Variants in TMEM255B observed in about 807,000 individuals in gnomAD.
TMEM255B encodes the protein transmembrane protein 255B, also known as family with sequence similarity 70, member B.
A neutral mutation model predicts 34.5 loss-of-function variants in TMEM255B; 35 were observed. The ratio of observed to expected loss-of-function variants is 1.01; its 90% CI spans 0.77 to 1.34. The LOEUF (loss-of-function observed/expected upper bound fraction) is 1.34, where lower values mean the gene tolerates loss of function less well. TMEM255B is among the 40% of genes most tolerant of loss of function. The probability of loss-of-function intolerance (pLI) is 0.00; values close to 1 mark genes in which losing one functional copy is unlikely to be tolerated. For missense variants in TMEM255B, 432 were observed against 433.2 expected, an observed-to-expected ratio of 1.00 and a Z score of 0.02; for synonymous variants, 206 against 201.2, an observed-to-expected ratio of 1.02 and a Z score of -0.20.
intron 1 of TMEM255B, 97 bp downstream of exon 1, chr13:113,759,412 T>A: frequency 8.9e-7 from 1 of 1,122,288 alleles, no homozygotes; most frequent in Non-Finnish European, 1.1e-6. Flanking sequence ...GGGCGGAACC[T>A]GCGCGGAGAC....
chr13:113,783,523 A>C (rs931353843), intron 3 of TMEM255B, among the ~76,000 whole-genome samples: 1 of 152,210 alleles, frequency 6.6e-6, no homozygotes, highest in African/African-American at 2.4e-5. Flanking sequence ...TGTGATAATG[A>C]GAGGGATTTT....
At chr13:113,807,443 G>A (rs1443718553) in intron 8 of TMEM255B, among the ~76,000 whole-genome samples, 4 of 133,912 alleles carry the variant, frequency 3.0e-5, no homozygotes, top group African/African-American at 8.6e-5. Flanking sequence ...CCCGTCACAC[G>A]CAGGCTTACG....
chr13:113,766,500 G>T (rs2050393697), intron 2 of TMEM255B: 1 of 620,472 alleles, frequency 1.6e-6, no homozygotes, highest in Non-Finnish European at 2.9e-6. Context: ...CTCAAAATAG[G>T]GCCAGGTGCC....
intron 1 of TMEM255B, 81 bp downstream of exon 1, chr13:113,759,396 C>T (rs1351418729): frequency 1.7e-6 from 2 of 1,190,388 alleles, no homozygotes; most frequent in Admixed American, 8.5e-5. Context: ...GGTCCCCGGC[C>T]GGCCCGGGCG....
chr13:113,798,996 G>A (rs140795963), intron 4 of TMEM255B, among the ~76,000 whole-genome samples: 2,155 of 152,340 alleles, frequency 0.014, 19 homozygotes, highest in Non-Finnish European at 0.022. Context: ...ATGAAACGAT[G>A]CAGGAGCCTA....
At chr13:113,771,282 G>A (rs2050473564) in intron 3 of TMEM255B, among the ~76,000 whole-genome samples, 1 of 152,198 alleles carries the variant, frequency 6.6e-6, no homozygotes, top group African/African-American at 2.4e-5. Context: ...GCTTGTGTGT[G>A]GAGGCAGTAA....
At position 113,815,251 on chromosome 13, in the gene TMEM255B, A is replaced by G. The variant is rs1426979830; in HGVS notation, c.*3348A>G. The G allele has an allele frequency of 1.3e-5, 2 of 151,356 alleles. No individual in the cohort carries two copies. Among genetic ancestry groups the G allele is most frequent in the East Asian group, 3.9e-4 (2 of 5,116 alleles). The allele number at this position is 151,356 out of a possible 1,614,324, so 9.4% of individuals were successfully genotyped here. The stretch of plus-strand genomic sequence containing the variant: ...AACGGCCACAAAGAGAGGAAGGGAC[A>G]TGGGTGACGGTCCGTCCACGTGGGG... On this transcript the variant is annotated 3_prime_UTR_variant, in exon 9 of 9. Coordinates refer to ENST00000375353, the MANE Select transcript of TMEM255B (RefSeq NM_182614.4).
intron 4 of TMEM255B, among the ~76,000 whole-genome samples, chr13:113,798,683 GTGGA>G (rs2050987272): frequency 2.0e-5 from 3 of 150,618 alleles, no homozygotes; most frequent in South Asian, 4.3e-4. Context: ...TGGATGATGG[GTGGA>G]TGGATGGAAG....
intron 1 of TMEM255B, among the ~76,000 whole-genome samples, chr13:113,761,878 A>G (rs954945491): frequency 2.0e-5 from 3 of 152,162 alleles, no homozygotes; most frequent in African/African-American, 7.2e-5. Flanking sequence ...CAAACAAGAG[A>G]CAGAGCTCTT....
At chr13:113,794,658 C>T (rs533253455) in intron 3 of TMEM255B, among the ~76,000 whole-genome samples, 1 of 152,300 alleles carries the variant, frequency 6.6e-6, no homozygotes, top group South Asian at 2.1e-4. Context: ...CAAGAAATTG[C>T]CAACTGTTTA....
At chr13:113,779,616 G>A (rs2050636477) in intron 3 of TMEM255B, among the ~76,000 whole-genome samples, 2 of 152,056 alleles carry the variant, frequency 1.3e-5, no homozygotes, top group Admixed American at 1.3e-4. Flanking sequence ...GTTCCTGGAA[G>A]CGCTCTCTGT....
At chr13:113,805,500 G>T (rs539158090) in intron 8 of TMEM255B, among the ~76,000 whole-genome samples, 274 of 152,374 alleles carry the variant, frequency 1.8e-3, no homozygotes, top group African/African-American at 6.4e-3. Context: ...AGAGGCCATG[G>T]TGGGGGGCGA....
chr13:113,805,853 G>T (rs2051161487), intron 8 of TMEM255B, among the ~76,000 whole-genome samples: 1 of 152,196 alleles, frequency 6.6e-6, no homozygotes, highest in South Asian at 2.1e-4. Context: ...CTTTCTGGGT[G>T]GGAGGCACTG....
At chr13:113,776,378 C>G (rs1206362554) in intron 3 of TMEM255B, among the ~76,000 whole-genome samples, 1 of 152,184 alleles carries the variant, frequency 6.6e-6, no homozygotes, top group Admixed American at 6.5e-5. Flanking sequence ...ACCTGCCACT[C>G]AGGGGCTGAC....
intron 1 of TMEM255B, among the ~76,000 whole-genome samples, chr13:113,762,732 G>A (rs901819811): frequency 6.6e-6 from 1 of 152,216 alleles, no homozygotes; most frequent in South Asian, 2.1e-4. Context: ...CCAGCTTTAA[G>A]AACCAGAATC....
chr13:113,774,665 A>G (rs534954565), intron 3 of TMEM255B, among the ~76,000 whole-genome samples: 27 of 150,934 alleles, frequency 1.8e-4, no homozygotes, highest in Admixed American at 9.2e-4. Context: ...AACACACACC[A>G]CACATATGAC....
Position 113,813,083 on chromosome 13 carries a change from GTC to G in TMEM255B, c.*1184_*1185del, listed in dbSNP as rs2051359788. 6.7e-6 allele frequency: 1 copy of G among 149,684 alleles called. No individual in the cohort carries two copies. Among genetic ancestry groups the G allele is most frequent in the Non-Finnish European group, 1.5e-5 (1 of 67,486 alleles). The allele number at this position is 149,684 out of a possible 1,614,324, so 9.3% of individuals were successfully genotyped here. On this transcript the variant is annotated 3_prime_UTR_variant, in exon 9 of 9. Transcript: ENST00000375353. Reference sequence around the variant, plus strand: ...GATGCGCCACCCCAAAGTAGCCGAAGTCTCTTGAAAAGTGTTGGATGTGGGGA... The same window carrying G: ...GATGCGCCACCCCAAAGTAGCCGAAGTCTTGAAAAGTGTTGGATGTGGGGA...
At chr13:113,811,523 C>G (rs1231508798) in intron 8 of TMEM255B, among the ~76,000 whole-genome samples, 1 of 139,208 alleles carries the variant, frequency 7.2e-6, no homozygotes, top group Non-Finnish European at 1.5e-5. Context: ...CTGCGGGGGG[C>G]CCTGTGTGAG....
chr13:113,802,709 C>T (rs1168831421), intron 7 of TMEM255B, among the ~76,000 whole-genome samples: 1 of 148,584 alleles, frequency 6.7e-6, no homozygotes, highest in Non-Finnish European at 1.5e-5. Context: ...TTCTCAGCTC[C>T]TCCTTTTCTC....
Sources: gnomAD v4.1 joint callset for allele counts (sites outside exome capture counted in the v4.1 genomes callset) on GRCh38, gnomAD v4.1.1 for gene constraint, MANE v1.5 for transcripts, NCBI Gene and HGNC (gene_info 2026-07-23, HGNC 2026-07-21) for gene names.